The following DCDC2 variants were observed in gnomAD, a reference collection of about 807,000 sequenced individuals.
The protein encoded by DCDC2 is doublecortin domain containing 2.
A neutral mutation model predicts 50.2 loss-of-function variants in DCDC2; 40 were observed. The observed-to-expected ratio is 0.80, with a 90% CI of 0.62 to 1.04. DCDC2 has a LOEUF of 1.04. DCDC2 is among the 50% of genes least tolerant of loss of function. DCDC2 has a pLI of 0.00. For synonymous variants in DCDC2, 234 were observed against 210.6 expected (o/e 1.11, Z -0.96); for missense variants, 570 against 581.9 (o/e 0.98, Z 0.21).
At position 24,278,217 on chromosome 6, in the gene DCDC2, T is replaced by A; in HGVS notation, c.760-6A>T. On this transcript the variant is annotated splice_polypyrimidine_tract_variant and splice_region_variant and intron_variant, in intron 6 of 9. Transcript: ENST00000378454. Reference sequence around the variant, plus strand: ...TTAGAGTGGCGATCATTTCCCTAAATGGCAAAGTATTAGACCCTTATTATT... The same window carrying A: ...TTAGAGTGGCGATCATTTCCCTAAAAGGCAAAGTATTAGACCCTTATTATT... 6.2e-7 allele frequency: 1 copy of A among 1,606,092 alleles called. No individual in the cohort carries two copies. Among genetic ancestry groups the A allele is most frequent in the Non-Finnish European group, 8.5e-7 (1 of 1,177,750 alleles).
At chr6:24,204,469 A>G (rs1443822859) in intron 8 of DCDC2, among the ~76,000 whole-genome samples, 2 of 152,128 alleles carry the variant, frequency 1.3e-5, no homozygotes, top group Non-Finnish European at 2.9e-5. Flanking sequence ...GGTGAACATC[A>G]TACACTGGGG....
rs9467064 is a variant in DCDC2 at position 24,176,525 on chromosome 6, T to A, written c.1327-1691A>T. On this transcript the variant is annotated intron_variant, in intron 9 of 9. Coordinates refer to ENST00000378454, the MANE Select transcript of DCDC2 (RefSeq NM_016356.5). ...TTGGCAAATAAAAATTGTATGTTTA[T>A]AGCATACAAAATGATGTTTTGAAAT... 1.8e-3 allele frequency among the ~76,000 whole-genome samples: 276 copies of A among 152,294 alleles called. 4 individuals are homozygous for A. The highest frequency in any genetic ancestry group is 7.1e-3 in the Admixed American group (109 of 15,290).
chr6:24,237,140 A>G (rs545869516), intron 7 of DCDC2, among the ~76,000 whole-genome samples: 1 of 152,122 alleles, frequency 6.6e-6, no homozygotes, highest in Admixed American at 6.5e-5. Flanking sequence ...CAAAACCACA[A>G]TGAGATAACT....
intron 8 of DCDC2, among the ~76,000 whole-genome samples, chr6:24,181,371 T>C (rs574269681): frequency 1.3e-5 from 2 of 152,238 alleles, no homozygotes; most frequent in Admixed American, 6.5e-5. Context: ...ACCAGACCCA[T>C]CTCACCCTCT....
intron 8 of DCDC2, among the ~76,000 whole-genome samples, chr6:24,181,687 A>C (rs1330940707): frequency 6.6e-6 from 1 of 152,074 alleles, no homozygotes; most frequent in Non-Finnish European, 1.5e-5. Flanking sequence ...TAAAAGACAT[A>C]AATAAATGGA....
intron 9 of DCDC2, among the ~76,000 whole-genome samples, chr6:24,176,298 A>T (rs888617616): frequency 3.5e-5 from 5 of 144,798 alleles, no homozygotes; most frequent in African/African-American, 1.2e-4. Context: ...CTTGTCACAA[A>T]AAAAAAGTCC....
chr6:24,311,934 C>T (rs1221337294), intron 2 of DCDC2, among the ~76,000 whole-genome samples: 3 of 152,220 alleles, frequency 2.0e-5, no homozygotes, highest in Admixed American at 1.3e-4. Flanking sequence ...GTGACCTGCA[C>T]ATATGCATTC....
At chr6:24,324,074 A>G (rs1385240775) in intron 2 of DCDC2, among the ~76,000 whole-genome samples, 1 of 152,184 alleles carries the variant, frequency 6.6e-6, no homozygotes, top group African/African-American at 2.4e-5. Context: ...CAGTGAACCA[A>G]GCTTAATTGG....
chr6:24,247,140 A>C (rs1336447758), intron 7 of DCDC2, among the ~76,000 whole-genome samples: 1 of 152,022 alleles, frequency 6.6e-6, no homozygotes, highest in Non-Finnish European at 1.5e-5. Context: ...GCCAGTACCC[A>C]CCACTTGGAA....
chr6:24,361,337 C>T (rs1380734267), upstream of DCDC2, among the ~76,000 whole-genome samples: 1 of 151,808 alleles, frequency 6.6e-6, no homozygotes, highest in Non-Finnish European at 1.5e-5. Context: ...GGCTTAGTAC[C>T]TGGGTGATGA....
At chr6:24,329,316 C>T (rs1759927504) in intron 2 of DCDC2, among the ~76,000 whole-genome samples, 1 of 152,164 alleles carries the variant, frequency 6.6e-6, no homozygotes, top group Non-Finnish European at 1.5e-5. Flanking sequence ...ACTTCCTGGA[C>T]AGACTTTATC....
chr6:24,349,526 G>C (rs1760326248), intron 2 of DCDC2, among the ~76,000 whole-genome samples: 1 of 152,160 alleles, frequency 6.6e-6, no homozygotes, highest in African/African-American at 2.4e-5. Flanking sequence ...GTCTCCAACT[G>C]CATGAGGACA....
At chr6:24,199,085 C>T (rs1206437385) in intron 8 of DCDC2, among the ~76,000 whole-genome samples, 1 of 152,242 alleles carries the variant, frequency 6.6e-6, no homozygotes, top group Non-Finnish European at 1.5e-5. Flanking sequence ...GGCACAACTT[C>T]AGCAGACTTA....
upstream of DCDC2, among the ~76,000 whole-genome samples, chr6:24,358,822 ATAT>A (rs1760542753): frequency 1.7e-5 from 1 of 59,018 alleles, no homozygotes; most frequent in African/African-American, 9.0e-5. Flanking sequence ...ATAAATATAT[ATAT>A]TATATTTATA....
intron 2 of DCDC2, 86 bp from the exon 3 acceptor site, chr6:24,302,130 G>T: frequency 8.4e-7 from 1 of 1,192,172 alleles, no homozygotes; most frequent in Non-Finnish European, 1.2e-6. Context: ...AGTTTCTAGG[G>T]AACTGCCTGA....
chr6:24,299,097 T>C (rs1759319164), intron 4 of DCDC2, among the ~76,000 whole-genome samples: 1 of 152,152 alleles, frequency 6.6e-6, no homozygotes, highest in Non-Finnish European at 1.5e-5. Context: ...AGGTGCTCCA[T>C]CAATGGTGGG....
At chr6:24,365,453 A>G in the DCDC2 span, among the ~76,000 whole-genome samples, 3 of 151,994 alleles carry the variant, frequency 2.0e-5, no homozygotes. Flanking sequence ...CACCATGCCA[A>G]TCTAATTTTT....
upstream of DCDC2, among the ~76,000 whole-genome samples, chr6:24,359,206 T>A (rs1561789200): frequency 2.6e-5 from 2 of 76,232 alleles, no homozygotes; most frequent in Admixed American, 2.5e-4. Flanking sequence ...TTATATATAT[T>A]TTATATATTA....
At chr6:24,185,718 CACACACACAT>C (rs1303102770) in intron 8 of DCDC2, among the ~76,000 whole-genome samples, 91 of 127,068 alleles carry the variant, frequency 7.2e-4, no homozygotes, top group African/African-American at 2.1e-3. Context: ...CACACACACA[CACACACACAT>C]ATACACACAG....
Sources: gnomAD v4.1 joint callset for allele counts (sites outside exome capture counted in the v4.1 genomes callset) on GRCh38, gnomAD v4.1.1 for gene constraint, MANE v1.5 for transcripts, NCBI Gene and HGNC (gene_info 2026-07-23, HGNC 2026-07-21) for gene names.